The following SUPT5H variants were observed in gnomAD, a reference collection of about 807,000 sequenced individuals.
SUPT5H encodes SPT5 homolog, DSIF elongation factor subunit.
In SUPT5H, 24 loss-of-function variants were observed where a neutral mutation model predicts 142.5. The observed-to-expected ratio is 0.17, with a 90% CI of 0.12 to 0.24. The LOEUF (loss-of-function observed/expected upper bound fraction) is 0.24, where lower values mean the gene tolerates loss of function less well. SUPT5H is among the 10% of genes least tolerant of loss of function. SUPT5H has a pLI of 1.00. For missense variants in SUPT5H, 893 were observed against 1,471.8 expected (o/e 0.61, Z 6.43); for synonymous variants, 546 against 553.0 (o/e 0.99, Z 0.18).
intron 10 of SUPT5H, among the ~76,000 whole-genome samples, chr19:39,460,593 C>G (rs1184846994): frequency 1.3e-5 from 2 of 152,098 alleles, no homozygotes; most frequent in South Asian, 4.1e-4. Flanking sequence ...CAAAACTCAG[C>G]TGGGCGTGGT....
intron 2 of SUPT5H, among the ~76,000 whole-genome samples, chr19:39,450,480 T>C (rs1398272204): frequency 6.6e-6 from 1 of 152,158 alleles, no homozygotes; most frequent in Non-Finnish European, 1.5e-5. Flanking sequence ...GCATGGATGA[T>C]GGCCAGCACT....
chr19:39,458,250 CCA>C lies in SUPT5H; in HGVS notation c.308-42_308-41del. The C allele has an allele frequency of 2.2e-6, 3 of 1,384,762 alleles. No homozygotes were observed. Among genetic ancestry groups the C allele is most frequent in the Non-Finnish European group, 2.0e-6 (2 of 999,824 alleles). 85.8% of individuals were successfully genotyped at this position (1,384,762 alleles called of 1,614,324 possible). On this transcript the variant is annotated intron_variant, in intron 4 of 29. Coordinates refer to ENST00000432763, the MANE Select transcript of SUPT5H (RefSeq NM_001111020.3). This position sits in a 1 kb window ranked among gnomAD's most constrained non-coding sequence, Gnocchi z 4.2. ...CCCTCGCCCACCACCACCACCACCA[CCA>C]CCACCACCACCACCACCACCACCTC...
At position 39,470,473 on chromosome 19, in the gene SUPT5H, G is replaced by A. The variant is rs1205238403; in HGVS notation, c.1627G>A (p.Asp543Asn). Residue 543 changes from aspartate (D) to asparagine (N), a missense_variant, in exon 18 of 30, where the codon GAT becomes AAT. Asp to Asn is a conservative substitution (Grantham distance 23). This residue lies in a region of SUPT5H where 428 missense variants were observed against 763.5 expected (regional missense o/e 0.56). Transcript: ENST00000432763. This position sits in a 1 kb window ranked among gnomAD's most constrained non-coding sequence, Gnocchi z 5.8. ...TGAATGGGGCGAGCTGGTGCAGCTG[G>A]ATCCCCAGACTGTGGGTGTCATCGT... ...QHEWGELVQL[D>N]PQTVGVIVRL... 2 of 1,603,336 alleles carry A rather than the reference G, an allele frequency of 1.2e-6. No individual in the cohort carries two copies. Among genetic ancestry groups the A allele is most frequent in the Non-Finnish European group, 1.7e-6 (2 of 1,173,960 alleles).
intron 2 of SUPT5H, among the ~76,000 whole-genome samples, chr19:39,447,866 C>T (rs561769268): frequency 6.6e-6 from 1 of 152,340 alleles, no homozygotes; most frequent in South Asian, 2.1e-4. Context: ...GTAGCAATCA[C>T]AAACCAGTAA....
Position 39,458,917 on chromosome 19 carries a change from T to C in SUPT5H, c.389+30T>C. 6.2e-7 allele frequency: 1 copy of C among 1,613,776 alleles called. No homozygotes were observed. The highest frequency in any genetic ancestry group is 8.5e-7 in the Non-Finnish European group (1 of 1,179,726). ...GCAAGGAAGGGAAACGTGGTGGGATTGGCTCCTGTGGGGAGATTTGGGAGT... is the reference window on the plus strand; with the variant it reads ...GCAAGGAAGGGAAACGTGGTGGGATCGGCTCCTGTGGGGAGATTTGGGAGT... On this transcript the variant is annotated intron_variant, in intron 6 of 29. Coordinates refer to ENST00000432763, the MANE Select transcript of SUPT5H (RefSeq NM_001111020.3). The surrounding 1 kb of genome is among the most constrained non-coding windows in gnomAD (Gnocchi z 4.2).
Position 39,472,912 on chromosome 19 carries a change from C to T in SUPT5H, c.2138C>T (p.Ser713Phe), listed in dbSNP as rs2079342690. The change falls in exon 22 of 30, where the codon TCC becomes TTC. Residue 713 changes from serine (S) to phenylalanine (F), a missense_variant. By Grantham distance (155) the Ser-to-Phe change is radical. This residue lies in a region of SUPT5H where 336 missense variants were observed against 546.5 expected (regional missense o/e 0.61). Coordinates refer to ENST00000432763, the MANE Select transcript of SUPT5H (RefSeq NM_001111020.3). The surrounding 1 kb of genome is among the most constrained non-coding windows in gnomAD (Gnocchi z 4.2). ...NELIGQTVRI[S>F]QGPYKGYIGV... is the part of the protein sequence containing the mutation. Reference sequence around the variant, plus strand: ...CTCATCGGCCAGACCGTGCGCATCTCCCAGGGGCCCTACAAAGGTGACCTG... The same window carrying T: ...CTCATCGGCCAGACCGTGCGCATCTTCCAGGGGCCCTACAAAGGTGACCTG... The T allele has an allele frequency of 1.5e-5, 25 of 1,613,568 alleles. No homozygotes were observed. The highest frequency in any genetic ancestry group is 2.0e-5 in the Non-Finnish European group (24 of 1,179,694).
chr19:39,452,344 G>A (rs893812565), intron 2 of SUPT5H, among the ~76,000 whole-genome samples: 4 of 152,220 alleles, frequency 2.6e-5, no homozygotes, highest in African/African-American at 4.8e-5. Context: ...GTCATGGAAA[G>A]TAAAATGGAC....
intron 10 of SUPT5H, among the ~76,000 whole-genome samples, chr19:39,461,006 G>A (rs1242796006): frequency 6.6e-6 from 1 of 152,200 alleles, no homozygotes; most frequent in Non-Finnish European, 1.5e-5. Context: ...GCCGGCCATG[G>A]TGGCTCATGC....
intron 10 of SUPT5H, among the ~76,000 whole-genome samples, chr19:39,461,151 A>T (rs1949679851): frequency 6.6e-6 from 1 of 151,900 alleles, no homozygotes; most frequent in Non-Finnish European, 1.5e-5. Context: ...TCAGCTGGGC[A>T]TGGTGGTGCT....
Position 39,472,397 on chromosome 19 carries a change from C to T in SUPT5H, c.1951-12C>T, listed in dbSNP as rs551976716. Reference sequence around the variant, plus strand: ...CCCCTGCCTGCCAGTTCACTCCTTGCTTCTATCCTAGCCCCGTGATGTGAC... The same window carrying T: ...CCCCTGCCTGCCAGTTCACTCCTTGTTTCTATCCTAGCCCCGTGATGTGAC... On this transcript the variant is annotated splice_polypyrimidine_tract_variant and intron_variant, in intron 20 of 29. Coordinates refer to ENST00000432763, the MANE Select transcript of SUPT5H (RefSeq NM_001111020.3). The surrounding 1 kb of genome is among the most constrained non-coding windows in gnomAD (Gnocchi z 4.2). 6 of 1,613,822 alleles carry T rather than the reference C, an allele frequency of 3.7e-6. No homozygotes were observed. Among genetic ancestry groups the T allele is most frequent in the Admixed American group, 1.7e-5 (1 of 59,970 alleles).
In SUPT5H at chr19:39,466,558, C is replaced by G; in HGVS notation, c.955C>G (p.Arg319Gly). ...CATCGACTACGATCGCATCAAGGCC[C>G]GCATGAGCTTGGTACTCAGGGGAAT... is the stretch of plus-strand genomic sequence containing the variant. ...PRIDYDRIKARMSLKDWFAKR... is the reference protein window; with the variant it reads ...PRIDYDRIKAGMSLKDWFAKR... Residue 319 changes from arginine (R) to glycine (G), a missense_variant, in exon 12 of 30, where the codon CGC (arginine) becomes GGC (glycine). By Grantham distance (125) the Arg-to-Gly change is moderately radical (BLOSUM62 -2). Transcript: ENST00000432763. The surrounding 1 kb of genome is among the most constrained non-coding windows in gnomAD (Gnocchi z 4.3). 1 of 1,614,034 alleles carries G rather than the reference C, an allele frequency of 6.2e-7. No homozygotes were observed. The highest frequency in any genetic ancestry group is 8.5e-7 in the Non-Finnish European group (1 of 1,179,996).
At position 39,458,806 on chromosome 19, in the gene SUPT5H, A is replaced by G. The variant is rs1212135858; in HGVS notation, c.320-12A>G. The G allele has an allele frequency of 6.2e-6, 10 of 1,607,350 alleles. No individual in the cohort carries two copies. The highest frequency in any genetic ancestry group is 8.5e-6 in the Non-Finnish European group (10 of 1,175,636). ...CTGCCCTTGCTCACGCCCTCTGCCC[A>G]TTATTTTTCAGCCTCCAATATCGAT... On this transcript the variant is annotated splice_polypyrimidine_tract_variant and intron_variant, in intron 5 of 29. Transcript: ENST00000432763. This position sits in a 1 kb window ranked among gnomAD's most constrained non-coding sequence, Gnocchi z 4.2.
At chr19:39,462,915 C>T (rs1305232125) in intron 10 of SUPT5H, among the ~76,000 whole-genome samples, 1 of 149,216 alleles carries the variant, frequency 6.7e-6, no homozygotes, top group East Asian at 2.0e-4. Context: ...TCTCGGCTCA[C>T]CGCAACCTGC....
chr19:39,454,341 TTTG>T (rs1013452892), intron 3 of SUPT5H, among the ~76,000 whole-genome samples: 10 of 147,258 alleles, frequency 6.8e-5, no homozygotes, highest in South Asian at 2.1e-4. Flanking sequence ...GGTGGTGCAT[TTTG>T]TTGTTGTCGT....
In SUPT5H at chr19:39,476,193, A is replaced by G. The variant is rs2079403263; in HGVS notation, c.3120+17A>G. 2 of 1,613,668 alleles carry G rather than the reference A, an allele frequency of 1.2e-6. No homozygotes were observed. The highest frequency in any genetic ancestry group is 1.7e-6 in the Non-Finnish European group (2 of 1,179,846). ...AACAACAAGGTAAGGGCAGGGGGCAAGGAGATAAGATGGGGCCGTTGGGTG... is the reference window on the plus strand; with the variant it reads ...AACAACAAGGTAAGGGCAGGGGGCAGGGAGATAAGATGGGGCCGTTGGGTG... On this transcript the variant is annotated intron_variant, in intron 29 of 29. Coordinates refer to ENST00000432763, the MANE Select transcript of SUPT5H (RefSeq NM_001111020.3).
chr19:39,453,819 C>G (rs960934145), intron 3 of SUPT5H, among the ~76,000 whole-genome samples: 1 of 152,166 alleles, frequency 6.6e-6, no homozygotes, highest in Non-Finnish European at 1.5e-5. Context: ...CCCGCCTTGG[C>G]CTCCCAAAAT....
chr19:39,453,588 T>C, intron 3 of SUPT5H, 67 bp downstream of exon 3: 1 of 1,428,492 alleles, frequency 7.0e-7, no homozygotes, highest in East Asian at 2.5e-5. Context: ...CATTTCTTTT[T>C]CTTTTTTTGA....
At chr19:39,475,861 TAGC>T in intron 28 of SUPT5H, 1 of 574,838 alleles carries the variant, frequency 1.7e-6, no homozygotes, top group Non-Finnish European at 3.1e-6. Flanking sequence ...TTTTGCCTGT[TAGC>T]TTCATTCTGA....
In SUPT5H at chr19:39,453,520, T is replaced by C. The variant is rs150982724; in HGVS notation, c.240T>C (p.Ala80=). Residue 80 remains alanine (A), a splice_region_variant and synonymous_variant, in exon 3 of 30, where the codon GCT becomes GCC. Coordinates refer to ENST00000432763, the MANE Select transcript of SUPT5H (RefSeq NM_001111020.3). ...PRHGGFILDE[A]DVDDEYEDED... ...ATGGAGGCTTCATTCTGGACGAGGC[T>C]GGTATGTCATAGTGCTTGGCCAGTG... 7.1e-6 allele frequency: 11 copies of C among 1,540,062 alleles called. No homozygotes were observed. The African/African-American group carries it at 1.2e-4, about 17-fold the overall frequency.
Sources: allele counts gnomAD v4.1 joint callset (sites outside exome capture counted in the v4.1 genomes callset), GRCh38; gene constraint gnomAD v4.1.1; regional missense constraint gnomAD v4.1.1; non-coding constraint Gnocchi (gnomAD v3.1); transcripts MANE v1.5; gene names NCBI Gene and HGNC (gene_info 2026-07-23, HGNC 2026-07-21).